The following LPA variants were observed in gnomAD, a reference collection of about 807,000 sequenced individuals.
The protein encoded by LPA is apolipoprotein(a).
A neutral mutation model predicts 197.9 loss-of-function variants in LPA; 199 were observed. The ratio of observed to expected loss-of-function variants is 1.01; its 90% CI spans 0.90 to 1.13. The LOEUF (loss-of-function observed/expected upper bound fraction) is 1.13. LPA is among the 50% of genes most tolerant of loss of function. The pLI is 0.00. For synonymous variants in LPA, 715 were observed against 639.5 expected (o/e 1.12, Z -1.78); for missense variants, 1,853 against 1,785.8 (o/e 1.04, Z -0.68).
intron 28 of LPA, among the ~76,000 whole-genome samples, chr6:160,569,413 A>G (rs1279751926): frequency 6.6e-6 from 1 of 152,020 alleles, no homozygotes; most frequent in African/African-American, 2.4e-5. Context: ...TGGTGCTGGG[A>G]AAACTGCCTA....
In LPA at chr6:160,650,239, G is replaced by T. The variant is rs573973655; in HGVS notation, c.209+99C>A. ...ACATTTTGCCATGCATTCTATGTGT[G>T]AGAAAAATTTAATCATAAGAAGTTA... On this transcript the variant is annotated intron_variant, in intron 2 of 38. Coordinates refer to ENST00000316300, the MANE Select transcript of LPA (RefSeq NM_005577.4). 4.9e-6 allele frequency: 6 copies of T among 1,217,920 alleles called. No homozygotes were observed. The South Asian group carries it at 7.2e-5, about 15-fold the overall frequency. 75.4% of individuals were successfully genotyped at this position (1,217,920 alleles called of 1,614,324 possible). A position where few individuals can be genotyped will look rare whatever the true frequency, so the allele number is the denominator to read the frequency against.
intron 7 of LPA, among the ~76,000 whole-genome samples, chr6:160,634,853 T>A (rs73785613): frequency 0.013 from 1,940 of 150,102 alleles, 330 homozygotes; most frequent in African/African-American, 0.048. Context: ...GCTAAGACAC[T>A]GAGATAGCCC....
chr6:160,649,541 G>T (rs1309800510), intron 2 of LPA, among the ~76,000 whole-genome samples: 1 of 151,674 alleles, frequency 6.6e-6, no homozygotes, highest in African/African-American at 2.4e-5. Flanking sequence ...AGTTTTTTTT[G>T]GGCTCCATCT....
chr6:160,605,012 C>G (rs1161229374), intron 18 of LPA, 34 bp downstream of exon 18: 1 of 1,612,052 alleles, frequency 6.2e-7, no homozygotes, highest in Admixed American at 1.7e-5. Context: ...TCCACTGACC[C>G]TTCCTTCACT....
intron 19 of LPA, among the ~76,000 whole-genome samples, chr6:160,600,390 C>T (rs1779215192): frequency 1.3e-5 from 2 of 152,126 alleles, no homozygotes. Context: ...CACAACCTGC[C>T]TCGGACTGAA....
chr6:160,602,247 G>T (rs1448964876), intron 18 of LPA, among the ~76,000 whole-genome samples: 1 of 151,980 alleles, frequency 6.6e-6, no homozygotes, highest in Non-Finnish European at 1.5e-5. Context: ...TCCCTCTTTT[G>T]GATACATGGA....
chr6:160,652,974 G>A lies in LPA; in HGVS notation c.50-2477C>T, dbSNP rs1582901294. Among the ~76,000 whole-genome samples the A allele has an allele frequency of 2.0e-5, 3 of 152,032 alleles. No homozygotes were observed. In the East Asian group the frequency reaches 5.8e-4, roughly 29 times the overall value. On this transcript the variant is annotated intron_variant, in intron 1 of 38. Transcript: ENST00000316300. The stretch of plus-strand genomic sequence containing the variant: ...TGAAGGCAGAAAAATATGAAAAAAG[G>A]AACAAAGTTTAAATGGGACAAAGAG...
intron 28 of LPA, among the ~76,000 whole-genome samples, chr6:160,566,694 G>T (rs1778461051): frequency 1.3e-5 from 2 of 152,114 alleles, no homozygotes; most frequent in African/African-American, 2.4e-5. Flanking sequence ...GACACAGACT[G>T]GAAAATTGGA....
At chr6:160,656,574 A>G (rs978173424) in intron 1 of LPA, among the ~76,000 whole-genome samples, 2 of 152,226 alleles carry the variant, frequency 1.3e-5, no homozygotes, top group Non-Finnish European at 2.9e-5. Context: ...GTCAGCTCAG[A>G]GCCAGTGTCC....
chr6:160,589,967 T>G (rs1778994183), intron 23 of LPA, among the ~76,000 whole-genome samples: 1 of 152,214 alleles, frequency 6.6e-6, no homozygotes, highest in African/African-American at 2.4e-5. Context: ...TCAGTCAAAA[T>G]TGCACTCATG....
intron 30 of LPA, among the ~76,000 whole-genome samples, chr6:160,553,919 T>TGTGTG (rs1778206651): frequency 9.0e-6 from 1 of 111,326 alleles, no homozygotes; most frequent in African/African-American, 2.9e-5. Flanking sequence ...CTCTCTCTCT[T>TGTGTG]TCTCTCTCTC....
intron 30 of LPA, among the ~76,000 whole-genome samples, chr6:160,553,966 C>T (rs1197077714): frequency 1.6e-3 from 71 of 45,786 alleles, no homozygotes; most frequent in African/African-American, 3.1e-3. Flanking sequence ...CGCGCGCGCG[C>T]GTGTGCGTGT....
At chr6:160,653,153 A>G (rs1780035872) in intron 1 of LPA, among the ~76,000 whole-genome samples, 1 of 152,190 alleles carries the variant, frequency 6.6e-6, no homozygotes. Flanking sequence ...CAGCACAAAT[A>G]GACTTCAGAA....
At chr6:160,581,856 T>C (rs545988587) in intron 26 of LPA, among the ~76,000 whole-genome samples, 2 of 152,278 alleles carry the variant, frequency 1.3e-5, no homozygotes, top group East Asian at 3.9e-4. Flanking sequence ...TTTATTTAGA[T>C]CTTCTAATTT....
intron 2 of LPA, among the ~76,000 whole-genome samples, chr6:160,647,936 G>C (rs1174209614): frequency 6.6e-6 from 1 of 152,182 alleles, no homozygotes; most frequent in Admixed American, 6.5e-5. Flanking sequence ...GCTGCAGAAA[G>C]TTCCCTTCTT....
chr6:160,658,085 A>C, intron 1 of LPA, among the ~76,000 whole-genome samples: 1 of 152,120 alleles, frequency 6.6e-6, no homozygotes, highest in East Asian at 1.9e-4. Context: ...CAGGGTTTAC[A>C]TCCTCAGACA....
chr6:160,532,765 C>T (rs1777826672), intron 37 of LPA, 116 bp from the exon 38 acceptor site: 1 of 759,970 alleles, frequency 1.3e-6, no homozygotes. Flanking sequence ...GGCTGCAGAA[C>T]ACAAGGCAGC....
At position 160,606,642 on chromosome 6, in the gene LPA, A is replaced by C; in HGVS notation, c.2620T>G (p.Tyr874Asp). 1 of 1,614,086 alleles carries C rather than the reference A, an allele frequency of 6.2e-7. No individual in the cohort carries two copies. The highest frequency in any genetic ancestry group is 8.5e-7 in the Non-Finnish European group (1 of 1,179,964). The stretch of plus-strand genomic sequence containing the variant: ...GCCACAGGATCTGGATTCCTGCAGT[A>C]GTTCATGATCAAGCCACTGGAAATT... ...YYPNAGLIMN[Y>D]CRNPDPVAAP... The change falls in exon 17 of 39, where the codon TAC (tyrosine) becomes GAC (aspartate). Residue 874 changes from tyrosine (Y) to aspartate (D), a missense_variant. Physicochemically the swap from Tyr to Asp is radical, Grantham distance 160. This residue lies in a region of LPA where 1,737 missense variants were observed against 1,504.4 expected (regional missense o/e 1.15). Transcript: ENST00000316300.
At chr6:160,650,574 CA>C in intron 1 of LPA, 77 bp from the exon 2 acceptor site, 1 of 1,438,130 alleles carries the variant, frequency 7.0e-7, no homozygotes, top group Middle Eastern at 1.8e-4. Context: ...ATGACACAAA[CA>C]GGAAAAAGTC....
Sources: gnomAD v4.1 joint callset for allele counts (sites outside exome capture counted in the v4.1 genomes callset) on GRCh38, gnomAD v4.1.1 for gene constraint, gnomAD v4.1.1 regional missense constraint, MANE v1.5 for transcripts, NCBI Gene and HGNC (gene_info 2026-07-23, HGNC 2026-07-21) for gene names.